Variants in TTN observed in about 807,000 individuals in gnomAD.
TTN encodes the protein connectin.
TTN carries 1,525 observed loss-of-function variants against 3,223.0 expected under a neutral mutation model. The ratio of observed to expected loss-of-function variants is 0.47; its 90% CI spans 0.45 to 0.49. TTN has a LOEUF of 0.49. Among genes scored for constraint, TTN ranks in the 20% least tolerant of loss-of-function variants. The probability of loss-of-function intolerance (pLI) is 0.00; values close to 1 mark genes in which losing one functional copy is unlikely to be tolerated. For missense variants in TTN, 40,786 were observed against 43,424.0 expected (o/e 0.94, Z 5.40); for synonymous variants, 14,094 against 15,161.0 (o/e 0.93, Z 5.17).
rs201098718 is a variant in TTN at position 178,789,963 on chromosome 2, A to T, written c.1938+15T>A. The stretch of plus-strand genomic sequence containing the variant: ...TTAAAGATGAACTTTTCACAGCTCA[A>T]ATATCTGTATTCACCTTCTCCTGAG... On this transcript the variant is annotated intron_variant, in intron 12 of 362. Coordinates refer to ENST00000589042, the MANE Select transcript of TTN (RefSeq NM_001267550.2). 8 of 1,612,548 alleles carry T rather than the reference A, an allele frequency of 5.0e-6. No individual in the cohort carries two copies. Among genetic ancestry groups the T allele is most frequent in the Non-Finnish European group, 6.8e-6 (8 of 1,179,062 alleles).
rs774362265 is a variant in TTN at position 178,725,524 on chromosome 2, C to G, written c.20680G>C (p.Val6894Leu). 27 of 1,613,164 alleles carry G rather than the reference C, an allele frequency of 1.7e-5. No homozygotes were observed. Among genetic ancestry groups the G allele is most frequent in the Non-Finnish European group, 2.2e-5 (26 of 1,179,482 alleles). The change falls in exon 71 of 363, where the codon GTG becomes CTG. Residue 6894 changes from valine to leucine, a missense_variant. Transcript: ENST00000589042. ...CTGATGTTTTCACTTTCTCTAATCACTTCTTCCTTCTCTTTAAGCCACTGG... is the reference window on the plus strand; with the variant it reads ...CTGATGTTTTCACTTTCTCTAATCAGTTCTTCCTTCTCTTTAAGCCACTGG... ...FVQWLKEKEEVIRESENIRIT... is the reference protein window; with the variant it reads ...FVQWLKEKEELIRESENIRIT...
chr2:178,728,668 T>G lies in TTN; in HGVS notation c.19258A>C (p.Lys6420Gln). Residue 6420 changes from lysine (K) to glutamine (Q), a missense_variant, in exon 66 of 363, where the codon AAA becomes CAA. Transcript: ENST00000589042. ...GTPELKVKWL[K>Q]DGKQIVPSRY... ...CTGGGAACTATTTGTTTCCCGTCTTTAAGCCATTTCACTTTGAGTTCTGGT... is the reference window on the plus strand; with the variant it reads ...CTGGGAACTATTTGTTTCCCGTCTTGAAGCCATTTCACTTTGAGTTCTGGT... The G allele has an allele frequency of 6.2e-7, 1 of 1,613,402 alleles. No individual in the cohort carries two copies. The highest frequency in any genetic ancestry group is 8.5e-7 in the Non-Finnish European group (1 of 1,179,570).
At chr2:178,686,213 C>T (rs1370275812) in intron 127 of TTN, among the ~76,000 whole-genome samples, 3 of 142,990 alleles carry the variant, frequency 2.1e-5, no homozygotes, top group Non-Finnish European at 3.0e-5. Flanking sequence ...CTCCGCCTCC[C>T]GGGTTCACGC....
Position 178,646,485 on chromosome 2 carries a change from C to G in TTN, c.40297G>C (p.Glu13433Gln), listed in dbSNP as rs955789402. The change falls in exon 216 of 363, where the codon GAA becomes CAA. Residue 13433 changes from glutamate to glutamine, a missense_variant and splice_region_variant. Transcript: ENST00000589042. ...GATTTAAGTCCACTGGATTGAATAC[C>G]TTTTACTGGTATTTCTTCAGGCTGT... ...EPQPEEIPVK[E>Q]PEPEKVIEKP... The G allele has an allele frequency of 1.3e-6, 2 of 1,542,858 alleles. No homozygotes were observed. Among genetic ancestry groups the G allele is most frequent in the South Asian group, 1.2e-5 (1 of 83,618 alleles).
Position 178,566,384 on chromosome 2 carries a change from G to A in TTN, c.79748C>T (p.Pro26583Leu). ...TTCAGGTGCTTCAAGTTTATCTTCT[G>A]GTTTCACAGTACCAGGAACTGATGT... is the stretch of plus-strand genomic sequence containing the variant. ...EATSVPGTVKPEDKLEAPELD... is the reference protein window; with the variant it reads ...EATSVPGTVKLEDKLEAPELD... Residue 26583 changes from proline (P) to leucine (L), a missense_variant, in exon 326 of 363, where the codon CCA becomes CTA. Pro to Leu is a moderately conservative substitution (Grantham distance 98). Transcript: ENST00000589042. The A allele has an allele frequency of 6.2e-7, 1 of 1,613,362 alleles. No homozygotes were observed. Among genetic ancestry groups the A allele is most frequent in the Non-Finnish European group, 8.5e-7 (1 of 1,179,648 alleles).
chr2:178,601,450 A>G lies in TTN; in HGVS notation c.55547T>C (p.Ile18516Thr), dbSNP rs146608896. The G allele has an allele frequency of 4.2e-4, 685 of 1,612,980 alleles. 2 individuals carry two copies. The African/African-American group carries it at 8.0e-3, about 19-fold the overall frequency. Reference sequence around the variant, plus strand: ...TTTTCCATCAATAGTCCTCTTCTCAATAACATAGCCTTTGATCCTGTCTCC... The same window carrying G: ...TTTTCCATCAATAGTCCTCTTCTCAGTAACATAGCCTTTGATCCTGTCTCC... ...DGGDRIKGYV[I>T]EKRTIDGKAW... Residue 18516 changes from isoleucine to threonine, a missense_variant, in exon 287 of 363, where the codon ATT (isoleucine) becomes ACT (threonine). Physicochemically the swap from Ile to Thr is moderately conservative, Grantham distance 89. Coordinates refer to ENST00000589042, the MANE Select transcript of TTN (RefSeq NM_001267550.2).
At chr2:178,669,792 A>C (rs1232848871) in intron 157 of TTN, 117 bp from the exon 158 acceptor site, 18 of 956,656 alleles carry the variant, frequency 1.9e-5, no homozygotes, top group Non-Finnish European at 2.9e-5. Context: ...ATTATAAGTC[A>C]ACTATAAGTC....
rs755812075 is a variant in TTN, at chr2:178,678,742, T to G, written c.33826+5A>C. On this transcript the variant is annotated splice_donor_5th_base_variant and intron_variant, in intron 143 of 362. Transcript: ENST00000589042. ...AAAATATTGCAACATTGCAAGTTCA[T>G]GTACCTTTGGCAGGTGGAGCTTCCA... 1.9e-6 allele frequency: 3 copies of G among 1,601,124 alleles called. No homozygotes were observed. Among genetic ancestry groups the G allele is most frequent in the Non-Finnish European group, 1.7e-6 (2 of 1,175,748 alleles).
At chr2:178,616,672 A>G (rs778784191) in intron 256 of TTN, 42 bp from the exon 257 acceptor site, 3 of 1,611,972 alleles carry the variant, frequency 1.9e-6, no homozygotes, top group African/African-American at 2.7e-5. Flanking sequence ...AATAGTCTGA[A>G]CTAATATTTG....
Position 178,647,377 on chromosome 2 carries a change from G to C in TTN, c.40141+4C>G, listed in dbSNP as rs2062184761. On this transcript the variant is annotated splice_donor_region_variant and intron_variant, in intron 214 of 362. Coordinates refer to ENST00000589042, the MANE Select transcript of TTN (RefSeq NM_001267550.2). ...TTTCCAAGATTTATGGAGAAGCCGTGTACCTTCAGCAGGTGGAACTTCTGG... is the reference window on the plus strand; with the variant it reads ...TTTCCAAGATTTATGGAGAAGCCGTCTACCTTCAGCAGGTGGAACTTCTGG... 3.2e-6 allele frequency: 5 copies of C among 1,549,564 alleles called. No homozygotes were observed. The highest frequency in any genetic ancestry group is 4.4e-6 in the Non-Finnish European group (5 of 1,146,360).
At position 178,614,454 on chromosome 2, in the gene TTN, A is replaced by C. The variant is rs1240239166; in HGVS notation, c.49048+12T>G. The stretch of plus-strand genomic sequence containing the variant: ...AGAGTTTATCCCCTTTTAAAATGAG[A>C]ACCTTCCTTACCTAAGACGTTCACT... On this transcript the variant is annotated intron_variant, in intron 261 of 362. Coordinates refer to ENST00000589042, the MANE Select transcript of TTN (RefSeq NM_001267550.2). The C allele has an allele frequency of 6.3e-7, 1 of 1,586,228 alleles. No homozygotes were observed. The highest frequency in any genetic ancestry group is 1.9e-5 in the Admixed American group (1 of 53,164).
Position 178,604,448 on chromosome 2 carries a change from A to C in TTN, c.54382-143T>G, listed in dbSNP as rs1002566251. 6 of 776,244 alleles carry C rather than the reference A, an allele frequency of 7.7e-6. No individual in the cohort carries two copies. The African/African-American group carries it at 1.1e-4, about 14-fold the overall frequency. 48.1% of individuals were successfully genotyped at this position (776,244 alleles called of 1,614,324 possible). On this transcript the variant is annotated intron_variant, in intron 281 of 362. Transcript: ENST00000589042. ...CTCAAAACATGGGAAGACAGAGAAA[A>C]GGAGAAAGCTTTTTTTAAAATAAAA... is the stretch of plus-strand genomic sequence containing the variant.
rs1695984178 is a variant in TTN at position 178,567,429 on chromosome 2, C to G, written c.78703G>C (p.Glu26235Gln). Residue 26235 changes from glutamate (E) to glutamine (Q), a missense_variant, in exon 326 of 363, where the codon GAA becomes CAA. Physicochemically the swap from Glu to Gln is conservative, Grantham distance 29. Coordinates refer to ENST00000589042, the MANE Select transcript of TTN (RefSeq NM_001267550.2). The part of the protein sequence containing the change: ...IEWLRGDKEI[E>Q]ESARCEIKNT... ...TTTATTTCACATCTAGCAGATTCTT[C>G]AATTTCCTTATCTCCTCTTAACCAC... 1.9e-6 allele frequency: 3 copies of G among 1,608,746 alleles called. No individual in the cohort carries two copies. In the African/African-American group the frequency reaches 4.0e-5, roughly 22 times the overall value.
chr2:178,553,215 T>C lies in TTN; in HGVS notation c.89685A>G (p.Ser29895=), dbSNP rs765674438. Residue 29895 remains serine (S), a synonymous_variant, in exon 335 of 363, where the codon TCA becomes TCG. Transcript: ENST00000589042. ...RYSIENTDSS[S]LLTIPQVTRN... The stretch of plus-strand genomic sequence containing the variant: ...GAGTAACTTGAGGAATGGTGAGTAA[T>C]GAGGATGAATCAGTGTTTTCAATGC... 2 of 1,613,796 alleles carry C rather than the reference T, an allele frequency of 1.2e-6. No homozygotes were observed. Among genetic ancestry groups the C allele is most frequent in the South Asian group, 1.1e-5 (1 of 91,086 alleles).
In TTN at chr2:178,563,574, T is replaced by C; in HGVS notation, c.82558A>G (p.Asn27520Asp). 2 of 1,613,842 alleles carry C rather than the reference T, an allele frequency of 1.2e-6. No individual in the cohort carries two copies. Among genetic ancestry groups the C allele is most frequent in the South Asian group, 1.1e-5 (1 of 91,086 alleles). ...DKEGVRWTKCNKKTLTDLRLR... is the reference protein window; with the variant it reads ...DKEGVRWTKCDKKTLTDLRLR... ...CGCAGATCCGTTAATGTTTTCTTGT[T>C]GCACTTGGTCCATCTAACGCCTTCC... The change falls in exon 326 of 363, where the codon AAC (asparagine) becomes GAC (aspartate). Residue 27520 changes from asparagine to aspartate, a missense_variant. Transcript: ENST00000589042. This position sits in a 1 kb window ranked among gnomAD's most constrained non-coding sequence, Gnocchi z 4.5.
chr2:178,735,401 T>C, intron 50 of TTN, 110 bp downstream of exon 50: 1 of 1,064,416 alleles, frequency 9.4e-7, no homozygotes, highest in Non-Finnish European at 1.3e-6. Flanking sequence ...GTTTGCTGAA[T>C]GACATTATTT....
rs751794473 is a variant in TTN, at chr2:178,533,327, C to A, written c.103288G>T (p.Asp34430Tyr). ...ALHIRDTLPE[D>Y]TGYYRVTATN... ...GCTGTGACTCTATAATAACCCGTGT[C>A]TTCAGGCAAAGTGTCCCTGATGTGC... is the stretch of plus-strand genomic sequence containing the variant. The change falls in exon 358 of 363, where the codon GAC becomes TAC. Residue 34430 changes from aspartate to tyrosine, a missense_variant. Asp to Tyr is a radical substitution (Grantham distance 160). Coordinates refer to ENST00000589042, the MANE Select transcript of TTN (RefSeq NM_001267550.2). The A allele has an allele frequency of 3.1e-6, 5 of 1,613,808 alleles. No homozygotes were observed. Among genetic ancestry groups the A allele is most frequent in the Non-Finnish European group, 4.2e-6 (5 of 1,179,874 alleles).
rs765636638 is a variant in TTN, at chr2:178,532,390, C to A, written c.104225G>T (p.Ser34742Ile). Reference protein sequence around the residue: ...HIPTKAEASTSYAELRERHAQ... With the variant: ...HIPTKAEASTIYAELRERHAQ... ...ATGCCGTTCCCTCAGTTCTGCATAACTTGTACTAGCTTCAGCCTTCGTTGG... is the reference window on the plus strand; with the variant it reads ...ATGCCGTTCCCTCAGTTCTGCATAAATTGTACTAGCTTCAGCCTTCGTTGG... The change falls in exon 358 of 363, where the codon AGT becomes ATT. Residue 34742 changes from serine (S) to isoleucine (I), a missense_variant. Physicochemically the swap from Ser to Ile is moderately radical, Grantham distance 142 (BLOSUM62 -2). Transcript: ENST00000589042. 3 of 1,613,854 alleles carry A rather than the reference C, an allele frequency of 1.9e-6. No individual in the cohort carries two copies. The highest frequency in any genetic ancestry group is 2.7e-5 in the African/African-American group (2 of 74,912).
At chr2:178,692,828 G>A (rs1377512805) in intron 119 of TTN, among the ~76,000 whole-genome samples, 1 of 152,070 alleles carries the variant, frequency 6.6e-6, no homozygotes, top group Admixed American at 6.5e-5. Flanking sequence ...GGAGGTGCCT[G>A]TGTCAGTTCC....
Sources: gnomAD v4.1 joint callset for allele counts (sites outside exome capture counted in the v4.1 genomes callset) on GRCh38, gnomAD v4.1.1 for gene constraint, Gnocchi (gnomAD v3.1) non-coding constraint, MANE v1.5 for transcripts, NCBI Gene and HGNC (gene_info 2026-07-23, HGNC 2026-07-21) for gene names.